The following ATAD3C variants were observed in gnomAD, a reference collection of about 807,000 sequenced individuals.
The protein encoded by ATAD3C is ATPase family AAA domain-containing protein 3C.
In ATAD3C, 38 loss-of-function variants were observed where a neutral mutation model predicts 46.3. The ratio of observed to expected loss-of-function variants is 0.82; its 90% CI spans 0.63 to 1.08. The LOEUF is 1.08. Among genes scored for constraint, ATAD3C ranks in the 50% least tolerant of loss-of-function variants. The probability of loss-of-function intolerance (pLI) is 0.00; values close to 1 mark genes in which losing one functional copy is unlikely to be tolerated. For missense variants in ATAD3C, 563 were observed against 572.7 expected (o/e 0.98, Z 0.17); for synonymous variants, 220 against 236.4 (o/e 0.93, Z 0.63).
chr1:1,457,742 G>T (rs750316443), intron 8 of ATAD3C, among the ~76,000 whole-genome samples: 3 of 151,544 alleles, frequency 2.0e-5, no homozygotes, highest in Non-Finnish European at 1.5e-5. Context: ...TCAGTGGCGT[G>T]ATCTCGGCTC....
At position 1,450,371 on chromosome 1, in the gene ATAD3C, T is replaced by C. The variant is rs1638834211; in HGVS notation, c.-313T>C. On this transcript the variant is annotated 5_prime_UTR_variant, in exon 1 of 12. An upstream open reading frame in the 5' UTR loses its in-frame stop. Transcript: ENST00000378785. The stretch of plus-strand genomic sequence containing the variant: ...GTGTAACGTGAAAAAATGGACACTT[T>C]AGCCATCGCCTGACTTTCTGTTGAA... 2 of 341,586 alleles carry C rather than the reference T, an allele frequency of 5.9e-6. No individual in the cohort carries two copies. Among genetic ancestry groups the C allele is most frequent in the East Asian group, 1.0e-4 (2 of 19,964 alleles). 21.2% of individuals were successfully genotyped at this position (341,586 alleles called of 1,614,324 possible). A position where few individuals can be genotyped will look rare whatever the true frequency, so the allele number is the denominator to read the frequency against.
Position 1,469,099 on chromosome 1 carries a change from TAAAAAAAAAAAAAAAAAAAAAAA to T in ATAD3C, c.*584_*606del, listed in dbSNP as rs70949592. On this transcript the variant is annotated 3_prime_UTR_variant, in exon 12 of 12. Coordinates refer to ENST00000378785, the MANE Select transcript of ATAD3C (RefSeq NM_001039211.3). ...CAACATGGTGAAACTCCATCTCTCC[TAAAAAAAAAAAAAAAAAAAAAAA>T]AAAAAAAAAAAAAATTAGCCGGCCG... The T allele has an allele frequency of 1.1e-4, 2 of 18,850 alleles. No individual in the cohort carries two copies. The highest frequency in any genetic ancestry group is 1.5e-4 in the Non-Finnish European group (1 of 6,696). 1.2% of individuals were successfully genotyped at this position (18,850 alleles called of 1,614,324 possible). A position where few individuals can be genotyped will look rare whatever the true frequency, so the allele number is the denominator to read the frequency against.
At position 1,457,757 on chromosome 1, in the gene ATAD3C, C is replaced by T. The variant is rs558293950; in HGVS notation, c.741+577C>T. On this transcript the variant is annotated intron_variant, in intron 8 of 11. Coordinates refer to ENST00000378785, the MANE Select transcript of ATAD3C (RefSeq NM_001039211.3). ...TCAGTGGCGTGATCTCGGCTCACTG[C>T]AACCTCCGCCTCCCAGTGCAAGCGA... Among the ~76,000 whole-genome samples the T allele has an allele frequency of 8.6e-5, 13 of 151,798 alleles. No homozygotes were observed. In the South Asian group the frequency reaches 2.7e-3, roughly 32 times the overall value.
chr1:1,457,527 C>T (rs1213373142), intron 8 of ATAD3C, among the ~76,000 whole-genome samples: 2 of 134,606 alleles, frequency 1.5e-5, no homozygotes, highest in African/African-American at 5.9e-5. Context: ...ACCCGGGAGG[C>T]GAAGCTTGCA....
intron 8 of ATAD3C, among the ~76,000 whole-genome samples, chr1:1,457,976 T>A (rs1355325242): frequency 6.6e-6 from 1 of 151,726 alleles, no homozygotes; most frequent in Non-Finnish European, 1.5e-5. Flanking sequence ...GCACCCGGTC[T>A]ATTTTTATTT....
rs1018278475 is a variant in ATAD3C, at chr1:1,466,427, C to A, written c.1090-1957C>A. Among the ~76,000 whole-genome samples the A allele has an allele frequency of 1.2e-4, 18 of 150,012 alleles. 1 individual carries two copies. The highest frequency in any genetic ancestry group is 4.4e-4 in the African/African-American group (18 of 40,560). ...AATTAGCTGGGTGTGGTGGCGGGTG[C>A]CTGTAGTCCCAGCTACTCAGGTGGC... is the stretch of plus-strand genomic sequence containing the variant. On this transcript the variant is annotated intron_variant, in intron 11 of 11. Coordinates refer to ENST00000378785, the MANE Select transcript of ATAD3C (RefSeq NM_001039211.3).
At chr1:1,460,044 T>G (rs1321391264) in intron 9 of ATAD3C, among the ~76,000 whole-genome samples, 2 of 151,246 alleles carry the variant, frequency 1.3e-5, no homozygotes, top group African/African-American at 4.9e-5. Context: ...GCCCCCGAGG[T>G]CCTGCTCCTG....
rs1477624162 is a variant in ATAD3C at position 1,469,099 on chromosome 1, T to TTAAAAAA, written c.*569_*570insTAAAAAA. ...CAACATGGTGAAACTCCATCTCTCC[T>TTAAAAAA]AAAAAAAAAAAAAAAAAAAAAAAAA... On this transcript the variant is annotated 3_prime_UTR_variant, in exon 12 of 12. Coordinates refer to ENST00000378785, the MANE Select transcript of ATAD3C (RefSeq NM_001039211.3). 1 of 18,850 alleles carries TTAAAAAA rather than the reference T, an allele frequency of 5.3e-5. No homozygotes were observed. Among genetic ancestry groups the TTAAAAAA allele is most frequent in the African/African-American group, 1.3e-4 (1 of 7,840 alleles). The allele number at this position is 18,850 out of a possible 1,614,324, so 1.2% of individuals were successfully genotyped here.
At position 1,459,043 on chromosome 1, in the gene ATAD3C, C is replaced by T; in HGVS notation, c.742-118C>T. On this transcript the variant is annotated intron_variant, in intron 8 of 11. Coordinates refer to ENST00000378785, the MANE Select transcript of ATAD3C (RefSeq NM_001039211.3). This position sits in a 1 kb window ranked among gnomAD's most constrained non-coding sequence, Gnocchi z 4.9. ...CCTGGTCAGGCTTTTGAGTCTAGAT[C>T]CGTGAAAGTGTCGCCATGTCCCTGC... 6.4e-7 allele frequency: 1 copy of T among 1,560,618 alleles called. No homozygotes were observed. The highest frequency in any genetic ancestry group is 8.7e-7 in the Non-Finnish European group (1 of 1,152,804).
chr1:1,452,318 C>T (rs563943468), intron 2 of ATAD3C, 47 bp from the exon 3 acceptor site: 20 of 1,612,730 alleles, frequency 1.2e-5, no homozygotes, highest in Middle Eastern at 3.3e-4. Flanking sequence ...TGCTACGTGG[C>T]GTGGGTCTTT....
At chr1:1,453,314 T>G (rs773028817) in intron 3 of ATAD3C, among the ~76,000 whole-genome samples, 3 of 152,094 alleles carry the variant, frequency 2.0e-5, no homozygotes, top group Non-Finnish European at 2.9e-5. Context: ...GCGATTCTCT[T>G]GCCTCAGCCT....
chr1:1,454,112 A>G (rs2801377), intron 3 of ATAD3C, among the ~76,000 whole-genome samples: 11 of 152,158 alleles, frequency 7.2e-5, no homozygotes, highest in South Asian at 4.2e-4. Context: ...GATTTATGCT[A>G]CCAGTTGCAG....
chr1:1,467,700 T>C (rs924782204), intron 11 of ATAD3C, among the ~76,000 whole-genome samples: 1 of 152,102 alleles, frequency 6.6e-6, no homozygotes, highest in African/African-American at 2.4e-5. Flanking sequence ...CTCTTGAGCA[T>C]GGCGCCCAGT....
intron 10 of ATAD3C, among the ~76,000 whole-genome samples, chr1:1,461,767 A>G (rs28413040): frequency 0.15 from 20,787 of 139,124 alleles, 4,111 homozygotes; most frequent in East Asian, 0.48. Flanking sequence ...TGTCGGGACT[A>G]GAGGGAGAGG....
intron 6 of ATAD3C, among the ~76,000 whole-genome samples, 152 bp from the exon 7 acceptor site, chr1:1,456,073 C>A (rs1175060384): frequency 6.8e-6 from 1 of 147,066 alleles, no homozygotes; most frequent in Non-Finnish European, 1.5e-5. Context: ...GCAGCGCCTC[C>A]CATCTTCCAG....
chr1:1,461,070 A>C (rs1639054199), intron 10 of ATAD3C, among the ~76,000 whole-genome samples, 153 bp downstream of exon 10: 1 of 151,952 alleles, frequency 6.6e-6, no homozygotes. Flanking sequence ...GTGGGCCCCA[A>C]GGGTCCCAGA....
rs766929559 is a variant in ATAD3C, at chr1:1,457,134, T to A, written c.695T>A (p.Leu232Gln). 1.1e-5 allele frequency: 17 copies of A among 1,613,398 alleles called. No individual in the cohort carries two copies. The change falls in exon 8 of 12, where the codon CTG becomes CAG. Residue 232 changes from leucine to glutamine, a missense_variant. Around this residue, in one of 3 missense-constraint regions of ATAD3C, gnomAD observed 273 missense variants for 253.5 expected, o/e 1.08. Coordinates refer to ENST00000378785, the MANE Select transcript of ATAD3C (RefSeq NM_001039211.3). The stretch of plus-strand genomic sequence containing the variant: ...GGCCTCCCTCTCGTCCACAGCCTCC[T>A]GCTCTTTGTGGATGAAGCGGACGCC... Reference protein sequence around the residue: ...DWANTSRRGLLLFVDEADAFL... With the variant: ...DWANTSRRGLQLFVDEADAFL...
rs1638835961 is a variant in ATAD3C at position 1,450,507 on chromosome 1, G to A, written c.-177G>A. On this transcript the variant is annotated 5_prime_UTR_variant, in exon 1 of 12. Coordinates refer to ENST00000378785, the MANE Select transcript of ATAD3C (RefSeq NM_001039211.3). ...CAAATGCATCAGGCCGTGTGCTGGG[G>A]ATGGGGCATCGTCACGCCAGGTCTG... 1.3e-6 allele frequency: 1 copy of A among 781,384 alleles called. No homozygotes were observed. The highest frequency in any genetic ancestry group is 2.3e-5 in the Admixed American group (1 of 43,598). The allele number at this position is 781,384 out of a possible 1,614,324, so 48.4% of individuals were successfully genotyped here.
chr1:1,455,676 G>A (rs535645269), intron 5 of ATAD3C, 115 bp from the exon 6 acceptor site: 16 of 1,560,032 alleles, frequency 1.0e-5, no homozygotes, highest in East Asian at 2.3e-5. Context: ...GGCTGCCCAC[G>A]AGCTGGGTGG....
Sources: gnomAD v4.1 joint callset for allele counts (sites outside exome capture counted in the v4.1 genomes callset) on GRCh38, gnomAD v4.1.1 for gene constraint, gnomAD v4.1.1 regional missense constraint, Gnocchi (gnomAD v3.1) non-coding constraint, MANE v1.5 for transcripts, NCBI Gene and HGNC (gene_info 2026-07-23, HGNC 2026-07-21) for gene names.